PEBP4: variants seen among roughly 807,000 people sequenced by gnomAD.
The protein encoded by PEBP4 is phosphatidylethanolamine-binding protein 4.
A neutral mutation model predicts 23.9 loss-of-function variants in PEBP4; 22 were observed. The ratio of observed to expected loss-of-function variants is 0.92; its 90% CI spans 0.66 to 1.31. The LOEUF is 1.31. Ranked by LOEUF, PEBP4 falls within the 40% of genes most tolerant of loss-of-function variation. PEBP4 has a pLI of 0.00. For missense variants in PEBP4, 324 were observed against 281.7 expected, an observed-to-expected ratio of 1.15 and a Z score of -1.07; for synonymous variants, 112 against 99.3, an observed-to-expected ratio of 1.13 and a Z score of -0.76.
rs545087921 is a variant in PEBP4 at position 22,865,543 on chromosome 8, C to CTGCCGG, written c.259-47814_259-47809dup. 0.011 allele frequency among the ~76,000 whole-genome samples: 1,624 copies of CTGCCGG among 152,294 alleles called. 17 individuals are homozygous for CTGCCGG. Among genetic ancestry groups the CTGCCGG allele is most frequent in the Non-Finnish European group, 0.018 (1,221 of 68,014 alleles). On this transcript the variant is annotated intron_variant, in intron 3 of 6. Transcript: ENST00000256404. This position sits in a 1 kb window ranked among gnomAD's most constrained non-coding sequence, Gnocchi z 6.9. ...AAGAGCTAAAAAAGGCAAGGCGCTG[C>CTGCCGG]TGCCGGTGCCGGTGCCGCAGCCGCC...
At chr8:22,937,577 A>C (rs929302762) in intron 1 of PEBP4, among the ~76,000 whole-genome samples, 1 of 152,082 alleles carries the variant, frequency 6.6e-6, no homozygotes, top group African/African-American at 2.4e-5. Context: ...AAATAGAAAA[A>C]CCCATCCTAA....
intron 3 of PEBP4, among the ~76,000 whole-genome samples, chr8:22,849,127 G>C (rs1276782420): frequency 6.6e-6 from 1 of 152,186 alleles, no homozygotes; most frequent in African/African-American, 2.4e-5. Context: ...GGCTGGGTAA[G>C]GTCACATAAT....
chr8:22,764,171 C>T (rs1461440734), intron 4 of PEBP4, among the ~76,000 whole-genome samples: 2 of 152,118 alleles, frequency 1.3e-5, no homozygotes, highest in Non-Finnish European at 2.9e-5. Context: ...CTATAGCACC[C>T]ATTACTCAGG....
rs138879331 is a variant in PEBP4 at position 22,840,587 on chromosome 8, T to C, written c.259-22852A>G. On this transcript the variant is annotated intron_variant, in intron 3 of 6. Transcript: ENST00000256404. Reference sequence around the variant, plus strand: ...TTGGAAGGGTGAGAACTGTGAGCAATTCCTGCCTGTTGAGAAATTTTCAGA... The same window carrying C: ...TTGGAAGGGTGAGAACTGTGAGCAACTCCTGCCTGTTGAGAAATTTTCAGA... Among the ~76,000 whole-genome samples, 833 of 152,206 alleles carry C rather than the reference T, an allele frequency of 5.5e-3. 8 individuals carry two copies. Among genetic ancestry groups the C allele is most frequent in the South Asian group, 0.024 (117 of 4,820 alleles).
chr8:22,733,633 G>A (rs190898976), intron 4 of PEBP4, among the ~76,000 whole-genome samples: 7 of 152,132 alleles, frequency 4.6e-5, no homozygotes, highest in Admixed American at 1.3e-4. Context: ...AGGGTCAGTC[G>A]CACATATCCT....
rs1328833236 is a variant in PEBP4 at position 22,775,421 on chromosome 8, CCTT to C, written c.357+42213_357+42215del. 6.6e-6 allele frequency among the ~76,000 whole-genome samples: 1 copy of C among 152,168 alleles called. No homozygotes were observed. Among genetic ancestry groups the C allele is most frequent in the Non-Finnish European group, 1.5e-5 (1 of 68,034 alleles). On this transcript the variant is annotated intron_variant, in intron 4 of 6. Transcript: ENST00000256404. This position sits in a 1 kb window ranked among gnomAD's most constrained non-coding sequence, Gnocchi z 4.8. ...GGAGCGGCCTTGCCAACCAATCCCT[CCTT>C]TACAACCATGCCGGGAGGGGTGCGC...
intron 4 of PEBP4, among the ~76,000 whole-genome samples, chr8:22,817,229 G>A (rs1048581133): frequency 6.6e-6 from 1 of 152,212 alleles, no homozygotes; most frequent in Admixed American, 6.5e-5. Flanking sequence ...TCTGCCACCT[G>A]CACGTCTCAG....
At chr8:22,906,519 C>G (rs780335703) in intron 3 of PEBP4, among the ~76,000 whole-genome samples, 1 of 152,194 alleles carries the variant, frequency 6.6e-6, no homozygotes, top group African/African-American at 2.4e-5. Flanking sequence ...AAAAAACAAA[C>G]AAACAAAAAA....
chr8:22,740,150 G>T (rs1189915084), intron 4 of PEBP4, among the ~76,000 whole-genome samples: 2 of 152,230 alleles, frequency 1.3e-5, no homozygotes, highest in African/African-American at 4.8e-5. Context: ...CAGAAAGGAA[G>T]AAAGGAAGGA....
At chr8:22,927,246 G>A (rs1323602543) in intron 2 of PEBP4, among the ~76,000 whole-genome samples, 2 of 152,008 alleles carry the variant, frequency 1.3e-5, no homozygotes, top group Admixed American at 6.6e-5. Context: ...CAGGCTGCAG[G>A]GAGGGATGGT....
intron 3 of PEBP4, among the ~76,000 whole-genome samples, chr8:22,908,413 G>A (rs1199494337): frequency 6.6e-6 from 1 of 151,824 alleles, no homozygotes; most frequent in Non-Finnish European, 1.5e-5. Flanking sequence ...AACCTGTCTA[G>A]GAAGAGGCAG....
intron 4 of PEBP4, among the ~76,000 whole-genome samples, chr8:22,771,951 C>A (rs1274621424): frequency 6.6e-6 from 1 of 152,234 alleles, no homozygotes. Flanking sequence ...TCTGCAGGAG[C>A]AGTCATGAAG....
intron 3 of PEBP4, among the ~76,000 whole-genome samples, chr8:22,915,954 G>A (rs1015863850): frequency 6.6e-6 from 1 of 152,204 alleles, no homozygotes; most frequent in Non-Finnish European, 1.5e-5. Flanking sequence ...GTTGAAACTT[G>A]TGTCTCCACC....
chr8:22,906,748 TA>T, intron 3 of PEBP4, among the ~76,000 whole-genome samples: 1 of 152,248 alleles, frequency 6.6e-6, no homozygotes, highest in East Asian at 1.9e-4. Flanking sequence ...AAATATTTAC[TA>T]AGTGCCTACC....
chr8:22,795,823 C>G (rs562931087), intron 4 of PEBP4, among the ~76,000 whole-genome samples: 1 of 152,248 alleles, frequency 6.6e-6, no homozygotes, highest in South Asian at 2.1e-4. Flanking sequence ...TTTTATGCCA[C>G]TTGTTAGTAT....
chr8:22,880,000 C>T (rs1015303508), intron 3 of PEBP4, among the ~76,000 whole-genome samples: 4 of 152,328 alleles, frequency 2.6e-5, no homozygotes, highest in African/African-American at 9.6e-5. Flanking sequence ...AATATTGTTC[C>T]TTTTGATCTC....
intron 3 of PEBP4, among the ~76,000 whole-genome samples, chr8:22,829,942 A>G (rs569225270): frequency 1.3e-5 from 2 of 152,212 alleles, no homozygotes; most frequent in South Asian, 2.1e-4. Context: ...CATGTCACCA[A>G]ATCCAATGGA....
At chr8:22,913,772 T>C (rs1466485055) in intron 3 of PEBP4, among the ~76,000 whole-genome samples, 2 of 152,232 alleles carry the variant, frequency 1.3e-5, no homozygotes, top group Non-Finnish European at 2.9e-5. Flanking sequence ...CCTTCTGCTG[T>C]ATTTTGACAC....
chr8:22,917,687 C>T (rs915578437), intron 3 of PEBP4, among the ~76,000 whole-genome samples: 3 of 152,196 alleles, frequency 2.0e-5, no homozygotes, highest in African/African-American at 7.2e-5. Flanking sequence ...CACACCTTGA[C>T]TTGCATTCAG....
Sources: gnomAD v4.1 joint callset for allele counts (sites outside exome capture counted in the v4.1 genomes callset) on GRCh38, gnomAD v4.1.1 for gene constraint, Gnocchi (gnomAD v3.1) non-coding constraint, MANE v1.5 for transcripts, NCBI Gene and HGNC (gene_info 2026-07-23, HGNC 2026-07-21) for gene names.